CACNG2: variants seen among roughly 807,000 people sequenced by gnomAD.
CACNG2 encodes voltage-dependent calcium channel gamma-2 subunit.
A neutral mutation model predicts 25.9 loss-of-function variants in CACNG2; 3 were observed. The observed-to-expected ratio is 0.12, with a 90% CI of 0.05 to 0.30. The LOEUF is 0.30. Among genes scored for constraint, CACNG2 ranks in the 10% least tolerant of loss-of-function variants. CACNG2 has a pLI of 1.00. For synonymous variants in CACNG2, 167 were observed against 173.3 expected, an observed-to-expected ratio of 0.96 and a Z score of 0.29; for missense variants, 341 against 432.5, an observed-to-expected ratio of 0.79 and a Z score of 1.88.
intron 1 of CACNG2, among the ~76,000 whole-genome samples, chr22:36,647,994 T>G (rs2145972649): frequency 6.6e-6 from 1 of 152,370 alleles, no homozygotes; most frequent in Admixed American, 6.5e-5. Flanking sequence ...GAAGTAAGGA[T>G]TTAAAAATAT....
chr22:36,586,679 G>A (rs377378229), intron 2 of CACNG2, among the ~76,000 whole-genome samples: 87 of 152,322 alleles, frequency 5.7e-4, no homozygotes, highest in African/African-American at 2.0e-3. Flanking sequence ...CAGAGGCGGG[G>A]TTGCTCCTGG....
chr22:36,586,118 G>A (rs1467765691), intron 2 of CACNG2, among the ~76,000 whole-genome samples: 2 of 152,242 alleles, frequency 1.3e-5, no homozygotes, highest in Non-Finnish European at 2.9e-5. Flanking sequence ...CTGCCATGCT[G>A]TGTCTCCCAA....
chr22:36,608,330 T>A (rs1362961304), intron 1 of CACNG2, among the ~76,000 whole-genome samples: 1 of 152,216 alleles, frequency 6.6e-6, no homozygotes, highest in Non-Finnish European at 1.5e-5. Flanking sequence ...CAGCTGGCAA[T>A]TTACCACAGG....
At chr22:36,639,475 T>C (rs2145965281) in intron 1 of CACNG2, among the ~76,000 whole-genome samples, 1 of 152,292 alleles carries the variant, frequency 6.6e-6, no homozygotes, top group Non-Finnish European at 1.5e-5. Context: ...TAGTATTTTG[T>C]GAATTTGTGT....
chr22:36,647,025 T>G (rs1432613080), intron 1 of CACNG2, among the ~76,000 whole-genome samples: 1 of 152,148 alleles, frequency 6.6e-6, no homozygotes, highest in Non-Finnish European at 1.5e-5. Context: ...TTGTTTCTAG[T>G]GGATTAGCCA....
intron 1 of CACNG2, among the ~76,000 whole-genome samples, chr22:36,623,265 C>T (rs904657110): frequency 6.6e-6 from 1 of 152,038 alleles, no homozygotes; most frequent in Non-Finnish European, 1.5e-5. Flanking sequence ...AAGTGATCTG[C>T]CTGCCTCGGC....
At chr22:36,592,607 A>G (rs2283985) in intron 1 of CACNG2, among the ~76,000 whole-genome samples, 24,210 of 152,220 alleles carry the variant, frequency 0.16, 2,532 homozygotes, top group African/African-American at 0.29. Flanking sequence ...CAAATGATTC[A>G]TCAAATTATT....
At chr22:36,668,046 T>G (rs1181615534) in intron 1 of CACNG2, among the ~76,000 whole-genome samples, 1 of 152,226 alleles carries the variant, frequency 6.6e-6, no homozygotes, top group Non-Finnish European at 1.5e-5. Context: ...CCACAGTCTC[T>G]GAGGCAGGTG....
At chr22:36,699,063 C>T (rs1302776603) in intron 1 of CACNG2, among the ~76,000 whole-genome samples, 1 of 152,182 alleles carries the variant, frequency 6.6e-6, no homozygotes, top group African/African-American at 2.4e-5. Context: ...TCATTGAACT[C>T]TTCTCTGAGA....
rs1235917347 is a variant in CACNG2 at position 36,703,447 on chromosome 22, T to A, written c.-871A>T. 6.5e-6 allele frequency: 1 copy of A among 152,782 alleles called. No homozygotes were observed. Among genetic ancestry groups the A allele is most frequent in the African/African-American group, 2.4e-5 (1 of 41,404 alleles). The allele number at this position is 152,782 out of a possible 1,614,324, so 9.5% of individuals were successfully genotyped here. On this transcript the variant is annotated 5_prime_UTR_variant, in exon 1 of 4. Transcript: ENST00000300105. Reference sequence around the variant, plus strand: ...GGAAACGAGGGAGCCGGCGTCTTGCTGCAGGGTGGGCCGCGCGCCTGCCCC... The same window carrying A: ...GGAAACGAGGGAGCCGGCGTCTTGCAGCAGGGTGGGCCGCGCGCCTGCCCC...
intron 1 of CACNG2, among the ~76,000 whole-genome samples, chr22:36,657,305 A>G (rs1936721477): frequency 1.3e-5 from 2 of 152,250 alleles, no homozygotes; most frequent in South Asian, 4.1e-4. Flanking sequence ...GGAGTGAGAC[A>G]AGTCTTCAGT....
intron 1 of CACNG2, among the ~76,000 whole-genome samples, chr22:36,603,172 AC>A (rs1262785448): frequency 6.6e-6 from 1 of 152,234 alleles, no homozygotes; most frequent in Non-Finnish European, 1.5e-5. Flanking sequence ...ATATGGAGAA[AC>A]TTTGAGCAGT....
At chr22:36,668,772 G>A (rs1015698463) in intron 1 of CACNG2, among the ~76,000 whole-genome samples, 12 of 152,038 alleles carry the variant, frequency 7.9e-5, no homozygotes, top group Non-Finnish European at 1.6e-4. Flanking sequence ...CTGGGATTAC[G>A]AGGTGGGAGC....
intron 1 of CACNG2, among the ~76,000 whole-genome samples, chr22:36,611,676 C>A (rs935356300): frequency 3.3e-5 from 5 of 152,220 alleles, no homozygotes; most frequent in African/African-American, 1.2e-4. Flanking sequence ...ATCTCTTGAG[C>A]CTCCCCAGCA....
chr22:36,678,545 G>T (rs532156419), intron 1 of CACNG2, among the ~76,000 whole-genome samples: 1 of 151,436 alleles, frequency 6.6e-6, no homozygotes, highest in African/African-American at 2.4e-5. Context: ...CTCCCCCACA[G>T]TTCTGACCCA....
At chr22:36,635,831 G>A (rs1180748364) in intron 1 of CACNG2, among the ~76,000 whole-genome samples, 1 of 152,122 alleles carries the variant, frequency 6.6e-6, no homozygotes, top group African/African-American at 2.4e-5. Context: ...GTCCAGTTGT[G>A]AGAGTCAGGA....
intron 1 of CACNG2, among the ~76,000 whole-genome samples, chr22:36,620,941 G>A (rs558744864): frequency 3.0e-4 from 46 of 152,360 alleles, no homozygotes; most frequent in African/African-American, 1.1e-3. Flanking sequence ...TGTCAGAGCT[G>A]CCAGCACCTA....
chr22:36,669,289 G>A (rs1936915970), intron 1 of CACNG2, among the ~76,000 whole-genome samples: 1 of 151,670 alleles, frequency 6.6e-6, no homozygotes, highest in East Asian at 1.9e-4. Flanking sequence ...ATTACCTGAG[G>A]TCAGGAGTTT....
intron 2 of CACNG2, among the ~76,000 whole-genome samples, chr22:36,574,558 A>G (rs540821704): frequency 2.0e-5 from 3 of 152,218 alleles, no homozygotes; most frequent in Admixed American, 6.5e-5. Flanking sequence ...AGGCCGGTGG[A>G]TCACCTGAGG....
Sources: gnomAD v4.1 joint callset for allele counts (sites outside exome capture counted in the v4.1 genomes callset) on GRCh38, gnomAD v4.1.1 for gene constraint, MANE v1.5 for transcripts, NCBI Gene and HGNC (gene_info 2026-07-23, HGNC 2026-07-21) for gene names.